Variants in CDYL observed in about 807,000 individuals in gnomAD.
CDYL encodes the protein chromodomain Y-like protein.
In CDYL, 8 loss-of-function variants were observed where a neutral mutation model predicts 47.3. The observed-to-expected ratio is 0.17, with a 90% CI of 0.10 to 0.31. CDYL has a LOEUF of 0.31. Among genes scored for constraint, CDYL ranks in the 10% least tolerant of loss-of-function variants. CDYL has a pLI of 1.00. For synonymous variants in CDYL, 266 were observed against 265.0 expected, an observed-to-expected ratio of 1.00 and a Z score of -0.04; for missense variants, 471 against 701.4, an observed-to-expected ratio of 0.67 and a Z score of 3.71.
At chr6:4,756,953 T>C (rs1397334555) in intron 3 of CDYL, among the ~76,000 whole-genome samples, 2 of 152,210 alleles carry the variant, frequency 1.3e-5, no homozygotes, top group Non-Finnish European at 2.9e-5. Flanking sequence ...CTGCCATCCA[T>C]GTATACTGAA....
chr6:4,894,552 A>G (rs996496747), intron 2 of CDYL, among the ~76,000 whole-genome samples: 1 of 152,176 alleles, frequency 6.6e-6, no homozygotes, highest in African/African-American at 2.4e-5. Flanking sequence ...AACACAGCTA[A>G]CCATCCATTA....
Position 4,776,746 on chromosome 6 carries a change from C to A in CDYL, c.-38C>A, listed in dbSNP as rs762331792. ...GGCCGCCCGGCGCCGGCGCCCGCCC[C>A]GACCCTGCCCCTCCCGCCCGCAACT... On this transcript the variant is annotated 5_prime_UTR_variant, in exon 1 of 7. Coordinates refer to ENST00000397588, the MANE Select transcript of CDYL (RefSeq NM_004824.4). The A allele has an allele frequency of 7.8e-6, 9 of 1,161,070 alleles. No individual in the cohort carries two copies. The highest frequency in any genetic ancestry group is 3.3e-4 in the Middle Eastern group (1 of 3,030). The allele number at this position is 1,161,070 out of a possible 1,614,324, so 71.9% of individuals were successfully genotyped here. A position where few individuals can be genotyped will look rare whatever the true frequency, so the allele number is the denominator to read the frequency against.
chr6:4,777,238 G>C (rs1256329454), intron 1 of CDYL, among the ~76,000 whole-genome samples: 3 of 152,080 alleles, frequency 2.0e-5, no homozygotes, highest in Non-Finnish European at 2.9e-5. Flanking sequence ...GGGGGTGGCG[G>C]GGAGAAGACC....
At chr6:4,781,689 T>C (rs1310502271) in intron 1 of CDYL, among the ~76,000 whole-genome samples, 2 of 152,234 alleles carry the variant, frequency 1.3e-5, no homozygotes, top group Non-Finnish European at 2.9e-5. Flanking sequence ...AATCATAGAC[T>C]GTTCCCTCGT....
At chr6:4,929,493 T>TACACACACACAC (rs71540836) in intron 2 of CDYL, among the ~76,000 whole-genome samples, 10,127 of 143,840 alleles carry the variant, frequency 0.07, 399 homozygotes, top group Middle Eastern at 0.11. Flanking sequence ...ATGTTTTACT[T>TACACACACACAC]ACACACACAC....
At chr6:4,910,858 G>T in intron 2 of CDYL, among the ~76,000 whole-genome samples, 1 of 151,662 alleles carries the variant, frequency 6.6e-6, no homozygotes. Flanking sequence ...CCCCAAGACG[G>T]AGTCTCTCTC....
intron 3 of CDYL, among the ~76,000 whole-genome samples, chr6:4,740,340 G>C (rs574318159): frequency 6.6e-6 from 1 of 152,248 alleles, no homozygotes; most frequent in East Asian, 1.9e-4. Flanking sequence ...ACTGCCAGGG[G>C]ACACTTGGCA....
chr6:4,870,611 C>G (rs1484170787), intron 1 of CDYL, among the ~76,000 whole-genome samples: 1 of 152,116 alleles, frequency 6.6e-6, no homozygotes, highest in Non-Finnish European at 1.5e-5. Context: ...TCTCTCTCCC[C>G]TCTCCTCTCC....
At chr6:4,780,423 CGCCCCG>C (rs1387784232) in intron 1 of CDYL, among the ~76,000 whole-genome samples, 2 of 122,042 alleles carry the variant, frequency 1.6e-5, no homozygotes, top group African/African-American at 3.7e-5. Context: ...CCCCCGCCCC[CGCCCCG>C]GCTAATGTTT....
chr6:4,821,607 C>T lies in CDYL; in HGVS notation c.24+44800C>T, dbSNP rs112478549. Among the ~76,000 whole-genome samples, 887 of 152,124 alleles carry T rather than the reference C, an allele frequency of 5.8e-3. 8 individuals carry two copies. Among genetic ancestry groups the T allele is most frequent in the African/African-American group, 0.02 (845 of 41,492 alleles). ...AAATTGGTGGGCGTGGTGGCATGCA[C>T]CTGTAATCCCAGCTATTCAGGAGGC... is the stretch of plus-strand genomic sequence containing the variant. On this transcript the variant is annotated intron_variant, in intron 1 of 6. Transcript: ENST00000397588.
At chr6:4,825,105 A>G (rs549675858) in intron 1 of CDYL, among the ~76,000 whole-genome samples, 3 of 152,276 alleles carry the variant, frequency 2.0e-5, no homozygotes, top group East Asian at 3.9e-4. Flanking sequence ...TCCTGACCTC[A>G]GGTGATCCGC....
chr6:4,891,636 A>T, intron 1 of CDYL, 77 bp from the exon 2 acceptor site: 1 of 1,179,056 alleles, frequency 8.5e-7, no homozygotes, highest in Non-Finnish European at 1.2e-6. Context: ...GCTATTTTTG[A>T]TGTTTCCTAA....
At chr6:4,925,263 A>G (rs1201430109) in intron 2 of CDYL, among the ~76,000 whole-genome samples, 1 of 152,222 alleles carries the variant, frequency 6.6e-6, no homozygotes, top group South Asian at 2.1e-4. Flanking sequence ...ACAACAAAAC[A>G]TGATTGAAGT....
chr6:4,927,137 A>G (rs1757899185), intron 2 of CDYL, among the ~76,000 whole-genome samples: 1 of 152,182 alleles, frequency 6.6e-6, no homozygotes, highest in Non-Finnish European at 1.5e-5. Context: ...TTTCCATTTT[A>G]AAAGTAAAGC....
intron 2 of CDYL, among the ~76,000 whole-genome samples, chr6:4,902,570 A>C (rs1757100690): frequency 6.6e-6 from 1 of 152,170 alleles, no homozygotes; most frequent in Non-Finnish European, 1.5e-5. Context: ...AGCTGTGCCC[A>C]GCTCTGTACT....
At chr6:4,710,211 A>C (rs1757123169) in intron 1 of CDYL, among the ~76,000 whole-genome samples, 1 of 152,142 alleles carries the variant, frequency 6.6e-6, no homozygotes, top group Admixed American at 6.6e-5. Flanking sequence ...AACAAGAGTG[A>C]AATTCCATCT....
chr6:4,955,345 C>A lies in CDYL; in HGVS notation c.*1289C>A, dbSNP rs1202667236. ...AGTTTATACTTAGAACTGACCACCT[C>A]CCCGGCCACGCGGAGAGCTGTACAG... On this transcript the variant is annotated 3_prime_UTR_variant, in exon 7 of 7. Transcript: ENST00000397588. 1 of 152,638 alleles carries A rather than the reference C, an allele frequency of 6.6e-6. No individual in the cohort carries two copies. The highest frequency in any genetic ancestry group is 2.4e-5 in the African/African-American group (1 of 41,458). 9.5% of individuals were successfully genotyped at this position (152,638 alleles called of 1,614,324 possible).
At chr6:4,766,694 C>T (rs1758256724) in intron 3 of CDYL, among the ~76,000 whole-genome samples, 1 of 151,982 alleles carries the variant, frequency 6.6e-6, no homozygotes, top group African/African-American at 2.4e-5. Context: ...ATGAGATCTC[C>T]ATAACCTTGA....
intron 2 of CDYL, among the ~76,000 whole-genome samples, chr6:4,716,106 T>G (rs998853910): frequency 2.6e-5 from 4 of 151,862 alleles, no homozygotes; most frequent in Non-Finnish European, 5.9e-5. Context: ...AAAATTAGCC[T>G]GGCGTGGTGT....
Sources: gnomAD v4.1 joint callset for allele counts (sites outside exome capture counted in the v4.1 genomes callset) on GRCh38, gnomAD v4.1.1 for gene constraint, MANE v1.5 for transcripts, NCBI Gene and HGNC (gene_info 2026-07-23, HGNC 2026-07-21) for gene names.